The following RANBP2 variants were observed in gnomAD, a reference collection of about 807,000 sequenced individuals.
The protein encoded by RANBP2 is E3 SUMO-protein ligase RanBP2.
RANBP2 carries 57 observed loss-of-function variants against 303.6 expected under a neutral mutation model. That is an observed-to-expected ratio of 0.19 (90% confidence interval 0.15 to 0.23). The LOEUF (loss-of-function observed/expected upper bound fraction) is 0.23. Among genes scored for constraint, RANBP2 ranks in the 10% least tolerant of loss-of-function variants. The pLI is 1.00. For missense variants in RANBP2, 3,138 were observed against 3,780.8 expected (o/e 0.83, Z 4.46); for synonymous variants, 1,167 against 1,301.5 (o/e 0.90, Z 2.23).
At chr2:108,738,460 T>A (rs375578330) in intron 6 of RANBP2, among the ~76,000 whole-genome samples, 1 of 152,158 alleles carries the variant, frequency 6.6e-6, no homozygotes, top group African/African-American at 2.4e-5. Flanking sequence ...TCCAGTACCT[T>A]GTGATCCGCT....
At chr2:109,478,509 G>C in the RANBP2 span, among the ~76,000 whole-genome samples, 1 of 152,192 alleles carries the variant, frequency 6.6e-6, no homozygotes, top group Non-Finnish European at 1.5e-5. Flanking sequence ...CCATGAAAAT[G>C]TACTGAGGTT....
the RANBP2 span, among the ~76,000 whole-genome samples, chr2:108,919,181 A>C: frequency 6.6e-6 from 1 of 152,274 alleles, no homozygotes; most frequent in Middle Eastern, 3.4e-3. Context: ...CTTGCTGTTT[A>C]GTGTCACGGA....
At chr2:109,123,324 TTCCTTCC>T in the RANBP2 span, among the ~76,000 whole-genome samples, 3,948 of 24,154 alleles carry the variant, frequency 0.16, 80 homozygotes, top group Non-Finnish European at 0.33. Flanking sequence ...CTTTCTTTCC[TTCCTTCC>T]TTCCTTCCTT....
chr2:109,400,423 C>CACATACACCTT, the RANBP2 span, among the ~76,000 whole-genome samples: 2 of 152,188 alleles, frequency 1.3e-5, no homozygotes, highest in African/African-American at 4.8e-5. Context: ...CACCTGTGCA[C>CACATACACCTT]ATATGTGCAC....
chr2:108,991,181 G>A, the RANBP2 span, among the ~76,000 whole-genome samples: 18 of 152,226 alleles, frequency 1.2e-4, no homozygotes, highest in East Asian at 3.3e-3. Context: ...ATTAAGCAAG[G>A]TTATGGATGG....
chr2:109,035,049 G>C, the RANBP2 span, among the ~76,000 whole-genome samples: 1 of 152,174 alleles, frequency 6.6e-6, no homozygotes, highest in Non-Finnish European at 1.5e-5. Flanking sequence ...CCTGGTTTGT[G>C]AGGAGTTACT....
At chr2:108,786,490 TAAC>T (rs1196908453), downstream of RANBP2, among the ~76,000 whole-genome samples, 1 of 152,150 alleles carries the variant, frequency 6.6e-6, no homozygotes, top group Admixed American at 6.5e-5. Context: ...ACACCAAACT[TAAC>T]AGGTTAAATG....
chr2:109,505,766 C>T, the RANBP2 span, among the ~76,000 whole-genome samples: 5 of 152,278 alleles, frequency 3.3e-5, no homozygotes, highest in South Asian at 8.3e-4. Context: ...GTCTACTTAT[C>T]CAATGTCAAG....
Position 108,766,312 on chromosome 2 carries a change from C to G in RANBP2, c.5773C>G (p.Gln1925Glu). The change falls in exon 20 of 29, where the codon CAG becomes GAG. Residue 1925 changes from glutamine (Q) to glutamate (E), a missense_variant. By Grantham distance (29) the Gln-to-Glu change is conservative. This residue lies in a region of RANBP2 where 348 missense variants were observed against 360.4 expected (regional missense o/e 0.97). Transcript: ENST00000283195. The part of the protein sequence containing the change: ...PLENGTGFQA[Q>E]DISGQKNGRG... ...TGAAAATGGTACTGGCTTCCAGGCT[C>G]AGGATATTAGTGGCCAGAAGAATGG... The G allele has an allele frequency of 1.2e-6, 2 of 1,611,952 alleles. No homozygotes were observed. Among genetic ancestry groups the G allele is most frequent in the Non-Finnish European group, 1.7e-6 (2 of 1,179,888 alleles).
At chr2:108,786,822 T>A (rs777285125), downstream of RANBP2, 25 of 1,588,180 alleles carry the variant, frequency 1.6e-5, no homozygotes, top group Non-Finnish European at 2.1e-5. Context: ...TGCTGTGTGC[T>A]ATGGAGCCGA....
At chr2:109,581,243 C>G in the RANBP2 span, among the ~76,000 whole-genome samples, 1 of 151,916 alleles carries the variant, frequency 6.6e-6, no homozygotes, top group Non-Finnish European at 1.5e-5. Context: ...AGTTCAACAC[C>G]AGCCTGACCA....
At chr2:109,325,331 CTTTTTTTTTTTTTTTTTTTTT>C in the RANBP2 span, among the ~76,000 whole-genome samples, 1 of 66,256 alleles carries the variant, frequency 1.5e-5, no homozygotes, top group African/African-American at 6.8e-5. Context: ...TTCTTTCTTT[CTTTTTTTTTTTTTTTTTTTTT>C]TTTTTTGGAG....
chr2:109,551,439 A>G, the RANBP2 span, among the ~76,000 whole-genome samples: 1 of 152,220 alleles, frequency 6.6e-6, no homozygotes, highest in Non-Finnish European at 1.5e-5. Context: ...ACCCATGTAC[A>G]ATATGCAATC....
chr2:109,574,699 T>C, the RANBP2 span: 1 of 1,608,202 alleles, frequency 6.2e-7, no homozygotes. Context: ...GAGAGAACGC[T>C]TAATCTTCAG....
the RANBP2 span, among the ~76,000 whole-genome samples, chr2:109,577,607 A>T: frequency 9.9e-5 from 15 of 151,340 alleles, no homozygotes; most frequent in East Asian, 2.0e-4. Flanking sequence ...TTAAAAAAAA[A>T]AAAAAGAAAA....
the RANBP2 span, among the ~76,000 whole-genome samples, chr2:109,633,113 C>T: frequency 5.9e-5 from 9 of 152,062 alleles, no homozygotes; most frequent in East Asian, 1.5e-3. Flanking sequence ...CAGACAGGGA[C>T]GGTCGTGGTG....
the RANBP2 span, among the ~76,000 whole-genome samples, chr2:108,861,761 G>A: frequency 1.3e-5 from 2 of 151,844 alleles, no homozygotes; most frequent in Non-Finnish European, 2.9e-5. Flanking sequence ...GATTACAGGC[G>A]TGAGCCACCG....
the RANBP2 span, among the ~76,000 whole-genome samples, chr2:109,019,126 G>A: frequency 1.4e-4 from 21 of 152,228 alleles, no homozygotes; most frequent in African/African-American, 2.7e-4. Flanking sequence ...TTCAAATGCC[G>A]TCTCGGTAAT....
chr2:108,812,463 AG>A, the RANBP2 span: 1 of 155,314 alleles, frequency 6.4e-6, no homozygotes, highest in Non-Finnish European at 1.4e-5. Context: ...TTAATATTTT[AG>A]GGAAAAACGA....
Sources: allele counts gnomAD v4.1 joint callset (sites outside exome capture counted in the v4.1 genomes callset), GRCh38; gene constraint gnomAD v4.1.1; regional missense constraint gnomAD v4.1.1; transcripts MANE v1.5; gene names NCBI Gene and HGNC (gene_info 2026-07-23, HGNC 2026-07-21).